The following NPFFR2 variants were observed in gnomAD, a reference collection of about 807,000 sequenced individuals.
The protein encoded by NPFFR2 is neuropeptide FF receptor 2.
In NPFFR2, 15 loss-of-function variants were observed where a neutral mutation model predicts 13.1. The observed-to-expected ratio is 1.15, with a 90% CI of 0.77 to 1.76. The LOEUF is 1.76. NPFFR2 is among the 40% of genes most tolerant of loss of function. The probability of loss-of-function intolerance (pLI) is 0.00; values close to 1 mark genes in which losing one functional copy is unlikely to be tolerated. For missense variants in NPFFR2, 572 were observed against 503.5 expected (o/e 1.14, Z -1.30); for synonymous variants, 190 against 175.7 (o/e 1.08, Z -0.65).
At chr4:72,045,544 C>T (rs1409255447) in intron 1 of NPFFR2, among the ~76,000 whole-genome samples, 1 of 152,146 alleles carries the variant, frequency 6.6e-6, no homozygotes, top group African/African-American at 2.4e-5. Context: ...GTATAATAAA[C>T]CCATGGTTAA....
chr4:72,095,689 G>T (rs1185790108), intron 1 of NPFFR2, among the ~76,000 whole-genome samples: 1 of 152,160 alleles, frequency 6.6e-6, no homozygotes, highest in Non-Finnish European at 1.5e-5. Context: ...CCCCAGTACT[G>T]CTCACTCTTA....
intron 1 of NPFFR2, among the ~76,000 whole-genome samples, chr4:72,034,445 C>A (rs542775966): frequency 6.6e-6 from 1 of 152,138 alleles, no homozygotes; most frequent in Non-Finnish European, 1.5e-5. Flanking sequence ...CTCATGAGAA[C>A]TCACTCACTA....
intron 1 of NPFFR2, among the ~76,000 whole-genome samples, chr4:72,056,645 CCTT>C (rs1229347260): frequency 1.3e-5 from 2 of 151,928 alleles, no homozygotes; most frequent in African/African-American, 4.8e-5. Context: ...AAGCTAAAAA[CCTT>C]CTGGAAAGGA....
chr4:72,112,782 A>G (rs1172508035), intron 1 of NPFFR2, among the ~76,000 whole-genome samples: 1 of 151,940 alleles, frequency 6.6e-6, no homozygotes, highest in East Asian at 1.9e-4. Context: ...AATGAGTCAC[A>G]TTGTGAGATA....
chr4:72,064,640 A>G (rs1200599289), intron 1 of NPFFR2, among the ~76,000 whole-genome samples: 1 of 152,218 alleles, frequency 6.6e-6, no homozygotes, highest in African/African-American at 2.4e-5. Flanking sequence ...GGAGCCTTTT[A>G]GAAGCAGTCC....
intron 1 of NPFFR2, among the ~76,000 whole-genome samples, chr4:72,088,797 C>T (rs1720837646): frequency 6.6e-6 from 1 of 151,998 alleles, no homozygotes; most frequent in Admixed American, 6.6e-5. Context: ...AATCACCTTC[C>T]ACCAGGCCCC....
At chr4:72,101,437 T>C (rs1170365201) in intron 1 of NPFFR2, among the ~76,000 whole-genome samples, 1 of 151,586 alleles carries the variant, frequency 6.6e-6, no homozygotes, top group Non-Finnish European at 1.5e-5. Flanking sequence ...ATTAGAAGAA[T>C]TGGACATAGG....
At chr4:72,118,319 G>A (rs1721769556) in intron 1 of NPFFR2, among the ~76,000 whole-genome samples, 1 of 152,152 alleles carries the variant, frequency 6.6e-6, no homozygotes, top group African/African-American at 2.4e-5. Context: ...TTAGCACTGA[G>A]TCTGACATAT....
chr4:72,048,183 C>T (rs781177237), intron 1 of NPFFR2, among the ~76,000 whole-genome samples: 3 of 151,990 alleles, frequency 2.0e-5, no homozygotes, highest in Non-Finnish European at 2.9e-5. Context: ...CAGCAAGATT[C>T]AATGGGGAGC....
intron 1 of NPFFR2, among the ~76,000 whole-genome samples, chr4:72,094,489 A>C (rs566105693): frequency 4.3e-4 from 66 of 152,118 alleles, no homozygotes; most frequent in African/African-American, 1.4e-3. Flanking sequence ...CAGGGTTAGG[A>C]GCTCAGACTC....
intron 1 of NPFFR2, among the ~76,000 whole-genome samples, chr4:72,079,808 A>G (rs1720552822): frequency 6.6e-6 from 1 of 152,216 alleles, no homozygotes; most frequent in Non-Finnish European, 1.5e-5. Context: ...TTTGCAGCAT[A>G]TGTCCCCTGG....
chr4:72,131,451 TG>T (rs1222381281), intron 2 of NPFFR2, among the ~76,000 whole-genome samples: 2 of 76,808 alleles, frequency 2.6e-5, no homozygotes, highest in Non-Finnish European at 4.7e-5. Context: ...TGTTGTGGGG[TG>T]GGGGGAGGGG....
At chr4:72,101,445 A>G (rs1721247284) in intron 1 of NPFFR2, among the ~76,000 whole-genome samples, 1 of 151,640 alleles carries the variant, frequency 6.6e-6, no homozygotes, top group Non-Finnish European at 1.5e-5. Flanking sequence ...AATTGGACAT[A>G]GGTACATTAA....
At chr4:72,050,526 C>A (rs1237869437) in intron 1 of NPFFR2, among the ~76,000 whole-genome samples, 2 of 151,990 alleles carry the variant, frequency 1.3e-5, no homozygotes, top group Non-Finnish European at 2.9e-5. Context: ...ATACCAAATT[C>A]CAACCCGACT....
intron 1 of NPFFR2, among the ~76,000 whole-genome samples, chr4:72,087,188 T>C (rs1720795600): frequency 6.6e-6 from 1 of 152,012 alleles, no homozygotes; most frequent in Non-Finnish European, 1.5e-5. Flanking sequence ...GAGTTCGATT[T>C]AACATTCACC....
Position 72,148,146 on chromosome 4 carries a change from T to G in NPFFR2, c.*334T>G. On this transcript the variant is annotated 3_prime_UTR_variant, in exon 4 of 4. Transcript: ENST00000308744. The stretch of plus-strand genomic sequence containing the variant: ...GCGTGCGTGCATGTGTGTGTGTATT[T>G]TCCCCAAATGGTGATGATGAGCAGT... The G allele has an allele frequency of 5.2e-6, 1 of 191,184 alleles. No individual in the cohort carries two copies. The highest frequency in any genetic ancestry group is 1.1e-5 in the Non-Finnish European group (1 of 94,500). 11.8% of individuals were successfully genotyped at this position (191,184 alleles called of 1,614,324 possible). A position where few individuals can be genotyped will look rare whatever the true frequency, so the allele number is the denominator to read the frequency against.
At chr4:72,061,405 A>T (rs2109774849) in intron 1 of NPFFR2, among the ~76,000 whole-genome samples, 1 of 152,218 alleles carries the variant, frequency 6.6e-6, no homozygotes, top group Non-Finnish European at 1.5e-5. Context: ...CACTAGACAA[A>T]CTGACATAGT....
At chr4:72,082,521 C>T (rs952429043) in intron 1 of NPFFR2, among the ~76,000 whole-genome samples, 5 of 152,096 alleles carry the variant, frequency 3.3e-5, no homozygotes, top group Non-Finnish European at 5.9e-5. Flanking sequence ...TATTTATACA[C>T]TATATAATTT....
chr4:72,038,551 C>T (rs1560390513), intron 1 of NPFFR2, among the ~76,000 whole-genome samples: 1 of 152,064 alleles, frequency 6.6e-6, no homozygotes, highest in Non-Finnish European at 1.5e-5. Context: ...GTTGATCCTA[C>T]CTTAGCTAAA....
Sources: allele counts gnomAD v4.1 joint callset (sites outside exome capture counted in the v4.1 genomes callset), GRCh38; gene constraint gnomAD v4.1.1; transcripts MANE v1.5; gene names NCBI Gene and HGNC (gene_info 2026-07-23, HGNC 2026-07-21).